The following ELOVL2 variants were observed in gnomAD, a reference collection of about 807,000 sequenced individuals.
The protein encoded by ELOVL2 is ELOVL fatty acid elongase 2.
A neutral mutation model predicts 37.7 loss-of-function variants in ELOVL2; 38 were observed. That is an observed-to-expected ratio of 1.01 (90% CI 0.78 to 1.32). The LOEUF is 1.32. ELOVL2 is among the 40% of genes most tolerant of loss of function. The pLI is 0.00. For missense variants in ELOVL2, 352 were observed against 363.6 expected (o/e 0.97, Z 0.26); for synonymous variants, 115 against 122.3 (o/e 0.94, Z 0.40).
intron 1 of ELOVL2, among the ~76,000 whole-genome samples, chr6:11,014,520 C>T (rs371185278): frequency 6.6e-6 from 1 of 150,438 alleles, no homozygotes; most frequent in Non-Finnish European, 1.5e-5. Context: ...TAAACTAAAA[C>T]GATAGAGACA....
At chr6:10,996,470 C>A (rs891512528) in intron 4 of ELOVL2, among the ~76,000 whole-genome samples, 1 of 151,704 alleles carries the variant, frequency 6.6e-6, no homozygotes, top group African/African-American at 2.4e-5. Flanking sequence ...GAGTTAAAGA[C>A]CATCCTGGCT....
At chr6:10,988,495 C>T (rs1782088472) in intron 7 of ELOVL2, among the ~76,000 whole-genome samples, 1 of 152,154 alleles carries the variant, frequency 6.6e-6, no homozygotes, top group East Asian at 1.9e-4. Flanking sequence ...ACCCAGGAAG[C>T]AGAGGTTGTG....
At chr6:11,016,232 T>C (rs577835812) in intron 1 of ELOVL2, among the ~76,000 whole-genome samples, 46 of 109,256 alleles carry the variant, frequency 4.2e-4, no homozygotes, top group East Asian at 1.1e-3. Context: ...TTGTCTACCA[T>C]GGGCATTGTG....
chr6:11,017,848 A>C (rs908685768), intron 1 of ELOVL2, among the ~76,000 whole-genome samples: 1 of 152,202 alleles, frequency 6.6e-6, no homozygotes, highest in Non-Finnish European at 1.5e-5. Flanking sequence ...AGTTAGCCCC[A>C]ATTCCAAGAA....
In ELOVL2 at chr6:11,004,723, C is replaced by G. The variant is rs115629858; in HGVS notation, c.255+649G>C. On this transcript the variant is annotated intron_variant, in intron 3 of 7. Coordinates refer to ENST00000354666, the MANE Select transcript of ELOVL2 (RefSeq NM_017770.4). ...TTAATTTTTAAAATACTCGGTTAAT[C>G]ACTGTCTACTCTCAGGCAAATTATG... is the stretch of plus-strand genomic sequence containing the variant. Among the ~76,000 whole-genome samples the G allele has an allele frequency of 3.7e-3, 557 of 152,294 alleles. 2 individuals are homozygous for G. Among genetic ancestry groups the G allele is most frequent in the Non-Finnish European group, 5.7e-3 (387 of 68,026 alleles).
chr6:11,033,686 A>T (rs981749972), intron 1 of ELOVL2, among the ~76,000 whole-genome samples: 2 of 152,236 alleles, frequency 1.3e-5, no homozygotes, highest in Admixed American at 1.3e-4. Context: ...ATTTTCACTG[A>T]TTAATAAAAC....
chr6:11,035,125 A>C (rs1461762803), intron 1 of ELOVL2, among the ~76,000 whole-genome samples: 1 of 152,222 alleles, frequency 6.6e-6, no homozygotes, highest in South Asian at 2.1e-4. Context: ...TTCCATAAAT[A>C]TATTTGTGTT....
chr6:11,009,819 C>T (rs1022737757), intron 2 of ELOVL2, among the ~76,000 whole-genome samples: 2 of 152,072 alleles, frequency 1.3e-5, no homozygotes, highest in Admixed American at 6.6e-5. Context: ...GAGTTTTAAG[C>T]TACAGTGCCA....
intron 5 of ELOVL2, among the ~76,000 whole-genome samples, chr6:10,994,526 ATTTC>A (rs1334811627): frequency 6.6e-6 from 1 of 152,052 alleles, no homozygotes; most frequent in African/African-American, 2.4e-5. Flanking sequence ...TATAAAATGT[ATTTC>A]TTATTGTAAT....
intron 1 of ELOVL2, among the ~76,000 whole-genome samples, chr6:11,014,285 T>C (rs2327326): frequency 6.6e-6 from 1 of 151,840 alleles, no homozygotes; most frequent in Non-Finnish European, 1.5e-5. Context: ...TCGAAACCGG[T>C]TTGGCCAACA....
chr6:11,036,564 C>T (rs115917881), intron 1 of ELOVL2, among the ~76,000 whole-genome samples: 1,897 of 152,316 alleles, frequency 0.012, 20 homozygotes, highest in Non-Finnish European at 0.02. Flanking sequence ...GCACAGCCAA[C>T]TGAGTATTTT....
chr6:11,023,878 G>T (rs531061966), intron 1 of ELOVL2, among the ~76,000 whole-genome samples: 3 of 152,160 alleles, frequency 2.0e-5, no homozygotes, highest in Admixed American at 6.5e-5. Context: ...CCTGAGCTAC[G>T]TGAGCAAAAA....
intron 1 of ELOVL2, among the ~76,000 whole-genome samples, chr6:11,025,540 C>T (rs1561726154): frequency 6.6e-6 from 1 of 152,050 alleles, no homozygotes; most frequent in Non-Finnish European, 1.5e-5. Context: ...GAATGCTTTT[C>T]TTCAGTGTAA....
At chr6:10,988,701 A>G (rs1394929662) in intron 7 of ELOVL2, among the ~76,000 whole-genome samples, 4 of 152,264 alleles carry the variant, frequency 2.6e-5, no homozygotes, top group African/African-American at 7.2e-5. Flanking sequence ...ATATAAATGT[A>G]CTTTGTTTTT....
At chr6:10,994,053 G>A (rs923862888) in intron 5 of ELOVL2, among the ~76,000 whole-genome samples, 1 of 151,198 alleles carries the variant, frequency 6.6e-6, no homozygotes. Context: ...TGGTATATGC[G>A]GGTAGTCAGT....
intron 3 of ELOVL2, among the ~76,000 whole-genome samples, chr6:11,002,739 C>G (rs1782412202): frequency 6.6e-6 from 1 of 152,226 alleles, no homozygotes; most frequent in African/African-American, 2.4e-5. Flanking sequence ...GTTCAACTAG[C>G]ACTTTACAAT....
rs930259401 is a variant in ELOVL2, at chr6:11,023,866, G to A, written c.4-13057C>T. ...AATAAATCACTAAAAAGAAAAATGC[G>A]GCCTGAGCTACGTGAGCAAAAAAAT... On this transcript the variant is annotated intron_variant, in intron 1 of 7. Coordinates refer to ENST00000354666, the MANE Select transcript of ELOVL2 (RefSeq NM_017770.4). 3.6e-4 allele frequency among the ~76,000 whole-genome samples: 55 copies of A among 152,206 alleles called. 1 individual carries two copies. Among genetic ancestry groups the A allele is most frequent in the African/African-American group, 1.3e-3 (55 of 41,534 alleles).
intron 2 of ELOVL2, among the ~76,000 whole-genome samples, chr6:11,005,964 TAC>T (rs1782477061): frequency 6.6e-6 from 1 of 152,200 alleles, no homozygotes; most frequent in Non-Finnish European, 1.5e-5. Flanking sequence ...TAGTCGGCAG[TAC>T]AGTCAGGATT....
intron 1 of ELOVL2, among the ~76,000 whole-genome samples, chr6:11,024,360 C>A (rs1195501586): frequency 6.6e-6 from 1 of 152,136 alleles, no homozygotes; most frequent in East Asian, 1.9e-4. Flanking sequence ...TACTACTATC[C>A]TTTTTCTTAT....
Sources: allele counts gnomAD v4.1 joint callset (sites outside exome capture counted in the v4.1 genomes callset), GRCh38; gene constraint gnomAD v4.1.1; transcripts MANE v1.5; gene names NCBI Gene and HGNC (gene_info 2026-07-23, HGNC 2026-07-21).